Variants in EPC2 observed in about 807,000 individuals in gnomAD.
EPC2 encodes the protein enhancer of polycomb 2.
EPC2 carries 14 observed loss-of-function variants against 92.1 expected under a neutral mutation model. The ratio of observed to expected loss-of-function variants is 0.15; its 90% CI spans 0.10 to 0.24. The LOEUF is 0.24. Ranked by LOEUF, EPC2 falls within the 10% of genes least tolerant of loss-of-function variation. EPC2 has a pLI of 1.00. For synonymous variants in EPC2, 340 were observed against 334.7 expected (o/e 1.02, Z -0.17); for missense variants, 755 against 971.5 (o/e 0.78, Z 2.96).
At position 148,679,599 on chromosome 2, in the gene EPC2, G is replaced by T. The variant is rs192858384; in HGVS notation, c.154-10615G>T. On this transcript the variant is annotated intron_variant, in intron 1 of 13. Coordinates refer to ENST00000258484, the MANE Select transcript of EPC2 (RefSeq NM_015630.4). ...TCCAGCCTTGGCTTCCTAGTTCTTT[G>T]ATGTTGTTTGTTGTTGTAGGTGTGT... 2.0e-5 allele frequency among the ~76,000 whole-genome samples: 3 copies of T among 152,158 alleles called. 1 individual carries two copies. The highest frequency in any genetic ancestry group is 6.3e-3 in the Middle Eastern group (2 of 316).
intron 2 of EPC2, among the ~76,000 whole-genome samples, chr2:148,715,604 T>C (rs116319042): frequency 0.023 from 3,558 of 152,232 alleles, 49 homozygotes; most frequent in East Asian, 0.032. Context: ...TGTACTAATA[T>C]CATGCTGTTT....
chr2:148,771,727 T>A (rs1193438965), intron 10 of EPC2, among the ~76,000 whole-genome samples: 1 of 152,142 alleles, frequency 6.6e-6, no homozygotes, highest in African/African-American at 2.4e-5. Flanking sequence ...TTTCATTAAA[T>A]GTAACCATTG....
At chr2:148,689,834 TAA>T (rs1240026336) in intron 1 of EPC2, among the ~76,000 whole-genome samples, 1 of 152,248 alleles carries the variant, frequency 6.6e-6, no homozygotes, top group Non-Finnish European at 1.5e-5. Context: ...AGAAGATACT[TAA>T]AATCTGTGAT....
chr2:148,741,271 A>C (rs1192585048), intron 2 of EPC2, among the ~76,000 whole-genome samples: 2 of 152,158 alleles, frequency 1.3e-5, no homozygotes, highest in Non-Finnish European at 2.9e-5. Flanking sequence ...TGGTTGTGAC[A>C]GTTAATTTAG....
chr2:148,680,759 G>A (rs543292661), intron 1 of EPC2, among the ~76,000 whole-genome samples: 2 of 152,328 alleles, frequency 1.3e-5, no homozygotes, highest in South Asian at 4.1e-4. Flanking sequence ...AGAAGCTGGA[G>A]ATTTTCATGA....
chr2:148,703,269 T>A (rs1447714391), intron 2 of EPC2, among the ~76,000 whole-genome samples: 1 of 152,180 alleles, frequency 6.6e-6, no homozygotes, highest in East Asian at 1.9e-4. Flanking sequence ...TCTGTCCTAT[T>A]TTTTCCTAAG....
intron 7 of EPC2, among the ~76,000 whole-genome samples, chr2:148,766,644 G>C (rs538164767): frequency 1.3e-5 from 2 of 152,244 alleles, no homozygotes; most frequent in East Asian, 3.9e-4. Flanking sequence ...ATATTAGAGG[G>C]AACTCCTAGC....
At chr2:148,645,215 T>TCCCC (rs1284980336) in intron 1 of EPC2, 45 bp downstream of exon 1, 1 of 1,448,792 alleles carries the variant, frequency 6.9e-7, no homozygotes, top group Non-Finnish European at 9.3e-7. Flanking sequence ...TCCTCCCCCC[T>TCCCC]CCCCTTTGTC....
intron 1 of EPC2, among the ~76,000 whole-genome samples, chr2:148,646,624 A>G (rs529230610): frequency 6.6e-6 from 1 of 151,828 alleles, no homozygotes; most frequent in South Asian, 2.1e-4. Context: ...TTTGTTTCTA[A>G]CGACTCAGTT....
intron 2 of EPC2, among the ~76,000 whole-genome samples, chr2:148,722,298 T>A (rs889843497): frequency 6.6e-6 from 1 of 151,994 alleles, no homozygotes; most frequent in Non-Finnish European, 1.5e-5. Context: ...GGGGCTGGAG[T>A]TGGGTATTTC....
rs954131088 is a variant in EPC2 at position 148,645,424 on chromosome 2, C to T, written c.153+254C>T. The T allele has an allele frequency of 7.2e-6, 3 of 419,412 alleles. No homozygotes were observed. The Admixed American group carries it at 1.4e-4, about 19-fold the overall frequency. The allele number at this position is 419,412 out of a possible 1,614,324, so 26.0% of individuals were successfully genotyped here. On this transcript the variant is annotated intron_variant, in intron 1 of 13. Coordinates refer to ENST00000258484, the MANE Select transcript of EPC2 (RefSeq NM_015630.4). ...CTTACGCTGCCGTAAGGGGGCCTTG[C>T]CGTAAGCGGCGGCCGGGAATGGCGC...
chr2:148,645,611 A>G (rs1309621672), intron 1 of EPC2: 2 of 158,674 alleles, frequency 1.3e-5, no homozygotes, highest in Middle Eastern at 3.1e-3. Context: ...CTTTGAAATG[A>G]CTGTGGAAGG....
intron 2 of EPC2, among the ~76,000 whole-genome samples, chr2:148,709,593 C>T (rs2105383019): frequency 6.6e-6 from 1 of 152,316 alleles, no homozygotes; most frequent in East Asian, 1.9e-4. Context: ...TGACTTCAAA[C>T]TATACTACAA....
At chr2:148,755,504 G>A (rs1020821190) in intron 4 of EPC2, among the ~76,000 whole-genome samples, 1 of 151,962 alleles carries the variant, frequency 6.6e-6, no homozygotes, top group South Asian at 2.1e-4. Flanking sequence ...GGTCACTGAC[G>A]GGCTGCATAT....
chr2:148,753,736 T>C (rs1397476813), intron 3 of EPC2, among the ~76,000 whole-genome samples, 191 bp from the exon 4 acceptor site: 1 of 152,204 alleles, frequency 6.6e-6, no homozygotes, highest in Non-Finnish European at 1.5e-5. Context: ...CAGGGAAAAT[T>C]ACTAATTTTT....
Position 148,684,018 on chromosome 2 carries a change from A to T in EPC2, c.154-6196A>T, listed in dbSNP as rs549075842. Reference sequence around the variant, plus strand: ...GTTCCTTTTTACCACATCCACACCAACATCATTACTTTTTAATTTTTAAAT... The same window carrying T: ...GTTCCTTTTTACCACATCCACACCATCATCATTACTTTTTAATTTTTAAAT... On this transcript the variant is annotated intron_variant, in intron 1 of 13. Transcript: ENST00000258484. Among the ~76,000 whole-genome samples the T allele has an allele frequency of 2.6e-5, 4 of 152,252 alleles. No homozygotes were observed. In the East Asian group the frequency reaches 7.7e-4, roughly 29 times the overall value.
In EPC2 at chr2:148,655,291, G is replaced by A. The variant is rs1160164798; in HGVS notation, c.153+10121G>A. Reference sequence around the variant, plus strand: ...ATCTGATTTGAGAATTATGATCCAGGGCTTCTTAACCTTTTTTTGGTGACA... The same window carrying A: ...ATCTGATTTGAGAATTATGATCCAGAGCTTCTTAACCTTTTTTTGGTGACA... On this transcript the variant is annotated intron_variant, in intron 1 of 13. Coordinates refer to ENST00000258484, the MANE Select transcript of EPC2 (RefSeq NM_015630.4). Among the ~76,000 whole-genome samples the A allele has an allele frequency of 2.0e-5, 3 of 152,038 alleles. No individual in the cohort carries two copies. The East Asian group carries it at 5.8e-4, about 29-fold the overall frequency.
chr2:148,747,845 T>G (rs1325606780), intron 3 of EPC2, among the ~76,000 whole-genome samples: 2 of 152,110 alleles, frequency 1.3e-5, no homozygotes, highest in Admixed American at 1.3e-4. Context: ...TTTTGCTGGT[T>G]CCCAAATGCT....
chr2:148,782,181 G>A (rs1683762893), intron 11 of EPC2, among the ~76,000 whole-genome samples: 1 of 152,158 alleles, frequency 6.6e-6, no homozygotes, highest in Non-Finnish European at 1.5e-5. Context: ...CAGTAATTCA[G>A]TTGAATTGTG....
Sources: gnomAD v4.1 joint callset for allele counts (sites outside exome capture counted in the v4.1 genomes callset) on GRCh38, gnomAD v4.1.1 for gene constraint, MANE v1.5 for transcripts, NCBI Gene and HGNC (gene_info 2026-07-23, HGNC 2026-07-21) for gene names.